The following TATDN1 variants were observed in gnomAD, a reference collection of about 807,000 sequenced individuals.
The protein encoded by TATDN1 is TatD DNase domain containing 1.
Under a neutral mutation model 46.4 loss-of-function variants are expected in TATDN1, and 40 were observed. The ratio of observed to expected loss-of-function variants is 0.86; its 90% CI spans 0.67 to 1.12. The LOEUF (loss-of-function observed/expected upper bound fraction) is 1.12, where lower values mean the gene tolerates loss of function less well. Among genes scored for constraint, TATDN1 ranks in the 50% most tolerant of loss-of-function variants. The pLI, the probability that TATDN1 is intolerant of heterozygous loss-of-function variation, is 0.00. For synonymous variants in TATDN1, 95 were observed against 105.6 expected (o/e 0.90, Z 0.62); for missense variants, 326 against 348.4 (o/e 0.94, Z 0.51).
intron 3 of TATDN1, 67 bp from the exon 4 acceptor site, chr8:124,518,948 C>T (rs536994454): frequency 5.4e-5 from 54 of 1,004,678 alleles, no homozygotes; most frequent in Non-Finnish European, 7.8e-5. Context: ...CCTAAACATG[C>T]CTTCCTACCA....
At chr8:124,502,492 T>C (rs1818061176) in intron 9 of TATDN1, among the ~76,000 whole-genome samples, 2 of 152,206 alleles carry the variant, frequency 1.3e-5, no homozygotes, top group South Asian at 2.1e-4. Context: ...CATCACTAAA[T>C]GGGAAACCTT....
At chr8:124,514,610 T>A (rs1819301336) in intron 6 of TATDN1, among the ~76,000 whole-genome samples, 1 of 152,228 alleles carries the variant, frequency 6.6e-6, no homozygotes, top group Non-Finnish European at 1.5e-5. Context: ...ATTAACCCCC[T>A]TTAGAAGCTC....
At chr8:124,503,039 C>G (rs1183814263) in intron 9 of TATDN1, among the ~76,000 whole-genome samples, 2 of 152,080 alleles carry the variant, frequency 1.3e-5, no homozygotes, top group Non-Finnish European at 2.9e-5. Flanking sequence ...AACTTGAAAC[C>G]CTCTCATACT....
chr8:124,538,549 A>G (rs1821697940), intron 1 of TATDN1: 1 of 179,354 alleles, frequency 5.6e-6, no homozygotes, highest in Non-Finnish European at 1.2e-5. Flanking sequence ...TACAACTGGG[A>G]GCTTTGTGCC....
chr8:124,520,437 A>T (rs966142551), intron 3 of TATDN1, among the ~76,000 whole-genome samples: 1 of 151,554 alleles, frequency 6.6e-6, no homozygotes, highest in African/African-American at 2.4e-5. Context: ...ACTCGCCTCC[A>T]GAAAAAAAAA....
chr8:124,529,907 C>T (rs1820812791), intron 1 of TATDN1, among the ~76,000 whole-genome samples: 1 of 152,080 alleles, frequency 6.6e-6, no homozygotes, highest in South Asian at 2.1e-4. Context: ...GCCTGGCCAA[C>T]ACAGTGAAAT....
intron 1 of TATDN1, among the ~76,000 whole-genome samples, chr8:124,532,217 C>T (rs1224792181): frequency 1.3e-5 from 2 of 152,174 alleles, no homozygotes; most frequent in East Asian, 3.9e-4. Context: ...AGAGAAATGT[C>T]CTTCGACTAT....
In TATDN1 at chr8:124,495,545, T is replaced by TA. The variant is rs35308504; in HGVS notation, c.594-4dup. ...AATTAGCTTCAGTTTTCAGTGAGCT[T>TA]AAAAAAAAGTGTATATTTATTTTAA... is the stretch of plus-strand genomic sequence containing the variant. On this transcript the variant is annotated splice_polypyrimidine_tract_variant and splice_region_variant and intron_variant, in intron 9 of 11. Transcript: ENST00000276692. The TA allele has an allele frequency of 2.5e-5, 39 of 1,587,028 alleles. No individual in the cohort carries two copies. Among genetic ancestry groups the TA allele is most frequent in the Admixed American group, 3.7e-5 (2 of 54,372 alleles).
chr8:124,518,933 A>T, intron 3 of TATDN1, 52 bp from the exon 4 acceptor site: 1 of 1,240,314 alleles, frequency 8.1e-7, no homozygotes, highest in Non-Finnish European at 1.2e-6. Context: ...CAGCAATAAC[A>T]GTTTCCTAAA....
intron 6 of TATDN1, among the ~76,000 whole-genome samples, chr8:124,511,715 T>A (rs1254929948): frequency 2.7e-5 from 4 of 146,452 alleles, no homozygotes; most frequent in African/African-American, 1.0e-4. Flanking sequence ...AAAAAAGTAT[T>A]AAAAAAAAAA....
At chr8:124,522,895 T>C in intron 2 of TATDN1, 42 bp downstream of exon 2, 3 of 1,545,312 alleles carry the variant, frequency 1.9e-6, no homozygotes, top group Non-Finnish European at 2.7e-6. Flanking sequence ...AGAAAATTTG[T>C]CTTCATAGGA....
chr8:124,508,604 CA>C lies in TATDN1; in HGVS notation c.473del (p.Leu158TrpfsTer3). 1 of 1,604,276 alleles carries C rather than the reference CA, an allele frequency of 6.2e-7. No individual in the cohort carries two copies. Among genetic ancestry groups the C allele is most frequent in the Non-Finnish European group, 8.5e-7 (1 of 1,175,634 alleles). On this transcript the variant is annotated frameshift_variant and splice_region_variant, in exon 7 of 12. Transcript: ENST00000276692. LOFTEE classifies it high-confidence loss of function. Reference sequence around the variant, plus strand: ...AATGAGACTTTGGTTTTAACTCACCCAAAAATTCAGCATGTGAGTTTCGACA... The same window carrying C: ...AATGAGACTTTGGTTTTAACTCACCCAAAATTCAGCATGTGAGTTTCGACA... ...LHCRNSHAEF[L>X]DIMKRNRDRC...
At chr8:124,519,923 T>TTCAAGTATAATGATGTATATTTTTG (rs1298147292) in intron 3 of TATDN1, among the ~76,000 whole-genome samples, 27 of 152,350 alleles carry the variant, frequency 1.8e-4, no homozygotes, top group Admixed American at 1.4e-3. Context: ...GAAGACGTGA[T>TTCAAGTATAATGATGTATATTTTTG]TCAAGTATAA....
At chr8:124,510,836 A>C (rs985438745) in intron 6 of TATDN1, among the ~76,000 whole-genome samples, 2 of 152,204 alleles carry the variant, frequency 1.3e-5, no homozygotes, top group Non-Finnish European at 2.9e-5. Flanking sequence ...AGAAAAAAGA[A>C]AAAGAAAATA....
At chr8:124,524,082 A>G (rs148485506) in intron 1 of TATDN1, among the ~76,000 whole-genome samples, 269 of 152,274 alleles carry the variant, frequency 1.8e-3, no homozygotes, top group African/African-American at 5.7e-3. Context: ...TCCCTACATT[A>G]TTTCTGCCAA....
chr8:124,521,919 A>C (rs1820079708), intron 3 of TATDN1: 1 of 352,564 alleles, frequency 2.8e-6, no homozygotes, highest in African/African-American at 2.1e-5. Flanking sequence ...TTTTTCAAGG[A>C]GCTTTTGCCA....
intron 1 of TATDN1, among the ~76,000 whole-genome samples, chr8:124,532,701 G>A (rs1307082128): frequency 2.0e-5 from 3 of 152,178 alleles, no homozygotes; most frequent in Non-Finnish European, 4.4e-5. Flanking sequence ...AATATTAACC[G>A]TTTCACCCCA....
chr8:124,501,768 T>G (rs1817988354), intron 9 of TATDN1, among the ~76,000 whole-genome samples: 1 of 151,570 alleles, frequency 6.6e-6, no homozygotes, highest in Non-Finnish European at 1.5e-5. Flanking sequence ...AAAATCAAAT[T>G]CCAAGGACGG....
At chr8:124,528,677 T>G (rs1345948185) in intron 1 of TATDN1, among the ~76,000 whole-genome samples, 2 of 152,028 alleles carry the variant, frequency 1.3e-5, no homozygotes, top group African/African-American at 4.8e-5. Context: ...AAAATAAAAT[T>G]AAAAAGATAG....
Sources: gnomAD v4.1 joint callset for allele counts (sites outside exome capture counted in the v4.1 genomes callset) on GRCh38, gnomAD v4.1.1 for gene constraint, MANE v1.5 for transcripts, NCBI Gene and HGNC (gene_info 2026-07-23, HGNC 2026-07-21) for gene names.